Variants in CREB3L2 observed in about 807,000 individuals in gnomAD.
CREB3L2 encodes cAMP responsive element binding protein 3 like 2.
Under a neutral mutation model 57.2 loss-of-function variants are expected in CREB3L2, and 23 were observed. The ratio of observed to expected loss-of-function variants is 0.40; its 90% CI spans 0.29 to 0.57. CREB3L2 has a LOEUF of 0.57. Among genes scored for constraint, CREB3L2 ranks in the 20% least tolerant of loss-of-function variants. The probability of loss-of-function intolerance (pLI) is 0.42; values close to 1 mark genes in which losing one functional copy is unlikely to be tolerated. For missense variants in CREB3L2, 628 were observed against 634.7 expected (o/e 0.99, Z 0.11); for synonymous variants, 268 against 265.1 (o/e 1.01, Z -0.11).
chr7:137,972,103 G>A (rs1801517838), intron 1 of CREB3L2, among the ~76,000 whole-genome samples: 1 of 152,126 alleles, frequency 6.6e-6, no homozygotes, highest in Admixed American at 6.5e-5. Flanking sequence ...GCAGTTTCGG[G>A]AGTGCATAAT....
chr7:137,900,729 G>A (rs1009464172), intron 8 of CREB3L2, among the ~76,000 whole-genome samples: 16 of 151,968 alleles, frequency 1.1e-4, no homozygotes, highest in East Asian at 7.7e-4. Context: ...ACTTGAACCC[G>A]GGAGGCAGAG....
intron 8 of CREB3L2, among the ~76,000 whole-genome samples, chr7:137,892,991 C>T (rs1167092435): frequency 6.6e-6 from 1 of 152,162 alleles, no homozygotes; most frequent in Non-Finnish European, 1.5e-5. Context: ...TCAGCTCAAA[C>T]TCCTAAACCT....
At chr7:137,907,205 G>A (rs73729092) in intron 5 of CREB3L2, among the ~76,000 whole-genome samples, 8,583 of 152,224 alleles carry the variant, frequency 0.056, 529 homozygotes, top group African/African-American at 0.16. Flanking sequence ...TTGAAGCAGC[G>A]GAGGGTTGGA....
Position 137,885,091 on chromosome 7 carries a change from C to A in CREB3L2, c.1174G>T (p.Gly392Cys). ...GGCCCGTAGCCTTGAAAGAAGCTGC[C>A]GAATGCAACGGCAAAGCACAGCACC... The part of the protein sequence containing the change: ...VVVLCFAVAF[G>C]SFFQGYGPYP... The change falls in exon 10 of 12, where the codon GGC becomes TGC. Residue 392 changes from glycine to cysteine, a missense_variant. Physicochemically the swap from Gly to Cys is radical, Grantham distance 159 (BLOSUM62 -3). This residue lies in a region of CREB3L2 where 272 missense variants were observed against 242.7 expected (regional missense o/e 1.12). Transcript: ENST00000330387. 6.2e-7 allele frequency: 1 copy of A among 1,614,074 alleles called. No individual in the cohort carries two copies. Among genetic ancestry groups the A allele is most frequent in the South Asian group, 1.1e-5 (1 of 91,066 alleles).
chr7:137,918,033 G>A (rs1476911227), intron 2 of CREB3L2, among the ~76,000 whole-genome samples: 4 of 152,108 alleles, frequency 2.6e-5, no homozygotes, highest in African/African-American at 7.2e-5. Flanking sequence ...ACTGGACCAC[G>A]AGCCAAAAGA....
intron 6 of CREB3L2, among the ~76,000 whole-genome samples, chr7:137,905,118 C>T (rs1799856435): frequency 6.6e-6 from 1 of 151,730 alleles, no homozygotes. Flanking sequence ...CTCAGCCATC[C>T]CCCTGGTTTT....
intron 8 of CREB3L2, among the ~76,000 whole-genome samples, chr7:137,889,341 G>A (rs1799489050): frequency 6.6e-6 from 1 of 152,184 alleles, no homozygotes; most frequent in Non-Finnish European, 1.5e-5. Flanking sequence ...GACCCTTCAA[G>A]AAGGGCTGGA....
chr7:137,968,291 A>C (rs1184326052), intron 1 of CREB3L2, among the ~76,000 whole-genome samples: 1 of 151,716 alleles, frequency 6.6e-6, no homozygotes, highest in Admixed American at 6.6e-5. Context: ...TACATGTGCC[A>C]TGTGGGTTTG....
At chr7:137,970,110 G>A (rs748334922) in intron 1 of CREB3L2, among the ~76,000 whole-genome samples, 10 of 152,126 alleles carry the variant, frequency 6.6e-5, no homozygotes, top group Non-Finnish European at 1.5e-4. Context: ...CATCTAAAGA[G>A]CAAGTTTCTT....
chr7:137,964,469 C>T (rs1801377632), intron 1 of CREB3L2, among the ~76,000 whole-genome samples: 3 of 152,184 alleles, frequency 2.0e-5, no homozygotes, highest in Admixed American at 2.0e-4. Flanking sequence ...GCCTTTTGAG[C>T]ACTCAGCATC....
At chr7:137,883,902 C>T (rs191155717) in intron 10 of CREB3L2, among the ~76,000 whole-genome samples, 1 of 152,194 alleles carries the variant, frequency 6.6e-6, no homozygotes, top group Non-Finnish European at 1.5e-5. Flanking sequence ...CCTTACTCAC[C>T]ATCCCTTTAT....
chr7:137,885,454 C>T lies in CREB3L2; in HGVS notation c.1092G>A (p.Lys364=). ...CAGCTAACTTGCAGGTTCGAGAAACCTTGCCCATCACCAAAGTCTGAAGCT... is the reference window on the plus strand; with the variant it reads ...CAGCTAACTTGCAGGTTCGAGAAACTTTGCCCATCACCAAAGTCTGAAGCT... ...LQKLQTLVMG[K]VSRTCKLAGT... is the part of the protein sequence containing the mutation. The change falls in exon 9 of 12, where the codon AAG becomes AAA. Residue 364 remains lysine (K), a synonymous_variant. Transcript: ENST00000330387. 1.2e-6 allele frequency: 2 copies of T among 1,614,198 alleles called. No homozygotes were observed. The highest frequency in any genetic ancestry group is 2.7e-5 in the African/African-American group (2 of 75,056).
chr7:137,908,124 C>T (rs1799928400), intron 5 of CREB3L2, 128 bp downstream of exon 5: 1 of 604,686 alleles, frequency 1.7e-6, no homozygotes, highest in Non-Finnish European at 2.5e-6. Flanking sequence ...CTGCTTTCGC[C>T]ATTAAGCAGA....
rs529493584 is a variant in CREB3L2 at position 137,977,078 on chromosome 7, C to A, written c.102+24526G>T. Among the ~76,000 whole-genome samples, 55 of 152,282 alleles carry A rather than the reference C, an allele frequency of 3.6e-4. 1 individual carries two copies. The highest frequency in any genetic ancestry group is 1.5e-3 in the Admixed American group (23 of 15,298). ...GGAAATTCAGGTCTAAAGACAGACA[C>A]CCCCTGAGCTTCCACACTTAAACAC... On this transcript the variant is annotated intron_variant, in intron 1 of 11. Coordinates refer to ENST00000330387, the MANE Select transcript of CREB3L2 (RefSeq NM_194071.4).
rs1799221252 is a variant in CREB3L2, at chr7:137,879,014, C to T, written c.*1462G>A. 2.4e-6 allele frequency: 1 copy of T among 413,836 alleles called. No individual in the cohort carries two copies. Among genetic ancestry groups the T allele is most frequent in the Non-Finnish European group, 4.5e-6 (1 of 220,066 alleles). The allele number at this position is 413,836 out of a possible 1,614,324, so 25.6% of individuals were successfully genotyped here. A position where few individuals can be genotyped will look rare whatever the true frequency, so the allele number is the denominator to read the frequency against. ...TTCAGCTGCTAATAAAAATAAAATACAAACTCTATGCACATTTCCTACACA... is the reference window on the plus strand; with the variant it reads ...TTCAGCTGCTAATAAAAATAAAATATAAACTCTATGCACATTTCCTACACA... On this transcript the variant is annotated 3_prime_UTR_variant, in exon 12 of 12. Coordinates refer to ENST00000330387, the MANE Select transcript of CREB3L2 (RefSeq NM_194071.4).
At chr7:137,988,090 T>C (rs1163567743) in intron 1 of CREB3L2, among the ~76,000 whole-genome samples, 1 of 152,220 alleles carries the variant, frequency 6.6e-6, no homozygotes, top group East Asian at 1.9e-4. Context: ...AGAATTCTCC[T>C]TCCTCTGCAC....
chr7:137,922,400 A>ATG (rs1800319286), intron 2 of CREB3L2, among the ~76,000 whole-genome samples: 2 of 20,442 alleles, frequency 9.8e-5, no homozygotes, highest in African/African-American at 3.9e-4. Flanking sequence ...ATATATATAT[A>ATG]TATATATATA....
intron 1 of CREB3L2, among the ~76,000 whole-genome samples, chr7:137,930,927 TAAA>T (rs34350375): frequency 1.4e-5 from 2 of 144,324 alleles, no homozygotes; most frequent in Admixed American, 1.4e-4. Flanking sequence ...TCATTCCTTT[TAAA>T]AAAAAAAAAA....
chr7:137,933,489 C>T (rs999133915), intron 1 of CREB3L2, among the ~76,000 whole-genome samples: 2 of 152,228 alleles, frequency 1.3e-5, no homozygotes, highest in East Asian at 3.8e-4. Context: ...CAATAATAAA[C>T]GTTCTCTAAC....
Sources: allele counts gnomAD v4.1 joint callset (sites outside exome capture counted in the v4.1 genomes callset), GRCh38; gene constraint gnomAD v4.1.1; regional missense constraint gnomAD v4.1.1; transcripts MANE v1.5; gene names NCBI Gene and HGNC (gene_info 2026-07-23, HGNC 2026-07-21).